NPHP4: variants seen among roughly 807,000 people sequenced by gnomAD.
NPHP4 encodes the protein nephrocystin 4, also known as nephrocystin-4.
A neutral mutation model predicts 155.8 loss-of-function variants in NPHP4; 151 were observed. The ratio of observed to expected loss-of-function variants is 0.97; its 90% CI spans 0.85 to 1.11. The LOEUF (loss-of-function observed/expected upper bound fraction) is 1.11. NPHP4 is among the 50% of genes least tolerant of loss of function. NPHP4 has a pLI of 0.00. For missense variants in NPHP4, 1,956 were observed against 1,925.7 expected (o/e 1.02, Z -0.29); for synonymous variants, 845 against 816.8 (o/e 1.03, Z -0.59).
intron 18 of NPHP4, among the ~76,000 whole-genome samples, chr1:5,885,022 C>T (rs1344861766): frequency 2.2e-5 from 3 of 134,816 alleles, no homozygotes; most frequent in African/African-American, 8.5e-5. Flanking sequence ...CATCCTACGC[C>T]GCAACCAAGA....
chr1:5,960,624 C>A (rs115210799), intron 6 of NPHP4, among the ~76,000 whole-genome samples: 44 of 152,246 alleles, frequency 2.9e-4, no homozygotes, highest in Non-Finnish European at 5.1e-4. Flanking sequence ...GCCAGGACAT[C>A]TCCATCACAT....
chr1:5,977,720 G>A (rs1236237290), intron 3 of NPHP4, among the ~76,000 whole-genome samples: 1 of 149,682 alleles, frequency 6.7e-6, no homozygotes, highest in African/African-American at 2.5e-5. Flanking sequence ...AAAACACGCT[G>A]CTCAACCAGT....
At chr1:5,976,705 G>T (rs974849691) in intron 3 of NPHP4, among the ~76,000 whole-genome samples, 2 of 152,202 alleles carry the variant, frequency 1.3e-5, no homozygotes, top group Admixed American at 6.5e-5. Context: ...CTCTAGCAAG[G>T]CTTTTTATTG....
At chr1:5,960,234 G>T (rs1302020308) in intron 6 of NPHP4, among the ~76,000 whole-genome samples, 1 of 152,140 alleles carries the variant, frequency 6.6e-6, no homozygotes, top group Non-Finnish European at 1.5e-5. Context: ...CCCAGACTGC[G>T]ACCCCACGCT....
chr1:5,952,983 G>A (rs1021058103), intron 6 of NPHP4, 147 bp from the exon 7 acceptor site: 6 of 643,068 alleles, frequency 9.3e-6, no homozygotes, highest in Middle Eastern at 4.2e-4. Flanking sequence ...CAAGGCCCAA[G>A]CCAAGCCTCC....
At chr1:5,933,427 G>A (rs1570505514) in intron 9 of NPHP4, 98 bp from the exon 10 acceptor site, 1 of 961,038 alleles carries the variant, frequency 1.0e-6, no homozygotes, top group Non-Finnish European at 1.6e-6. Context: ...TTCAACGAGA[G>A]CTCAGTGTAG....
In NPHP4 at chr1:5,875,010, G is replaced by C. The variant is rs773823107; in HGVS notation, c.2908C>G (p.Leu970Val). ...TCCGTGGTGATGGCCAGGCTCAGCA[G>C]GCTGGCGATGCTCTCGGCCTTCGTG... is the stretch of plus-strand genomic sequence containing the variant. ...ERTKAESIAS[L>V]LSLAITTEHT... The change falls in exon 21 of 30, where the codon CTG becomes GTG. Residue 970 changes from leucine to valine, a missense_variant. By Grantham distance (32) the Leu-to-Val change is conservative (BLOSUM62 1). Coordinates refer to ENST00000378156, the MANE Select transcript of NPHP4 (RefSeq NM_015102.5). The C allele has an allele frequency of 1.9e-6, 3 of 1,611,718 alleles. No homozygotes were observed. The highest frequency in any genetic ancestry group is 3.3e-5 in the Admixed American group (2 of 60,026).
At chr1:5,950,131 G>A (rs1570595891) in intron 7 of NPHP4, among the ~76,000 whole-genome samples, 1 of 152,142 alleles carries the variant, frequency 6.6e-6, no homozygotes, top group Non-Finnish European at 1.5e-5. Context: ...CCAAAAGGCC[G>A]AGAAGCAATG....
intron 10 of NPHP4, among the ~76,000 whole-genome samples, chr1:5,931,608 C>T (rs1298193555): frequency 2.0e-5 from 3 of 151,602 alleles, no homozygotes; most frequent in African/African-American, 7.3e-5. Flanking sequence ...GTGGTGGGCA[C>T]CTATAATCCC....
At chr1:5,920,278 C>A (rs1301498723) in intron 11 of NPHP4, among the ~76,000 whole-genome samples, 1 of 151,864 alleles carries the variant, frequency 6.6e-6, no homozygotes. Context: ...CCAGGCTGAT[C>A]TCGAACTCTT....
chr1:5,978,222 C>T (rs1459533257), intron 3 of NPHP4, 48 bp downstream of exon 3: 27 of 1,567,350 alleles, frequency 1.7e-5, no homozygotes, highest in Non-Finnish European at 2.1e-5. Context: ...CACCCGCACA[C>T]ACACCCTCCG....
intron 10 of NPHP4, among the ~76,000 whole-genome samples, chr1:5,928,360 G>T (rs1260586785): frequency 2.0e-5 from 3 of 152,242 alleles, no homozygotes; most frequent in African/African-American, 7.2e-5. Flanking sequence ...TAAGACTGAG[G>T]AGATTCATCC....
At chr1:5,922,626 G>A (rs1645799267) in intron 11 of NPHP4, among the ~76,000 whole-genome samples, 1 of 152,160 alleles carries the variant, frequency 6.6e-6, no homozygotes, top group Admixed American at 6.5e-5. Context: ...TTCAAGAGCA[G>A]CCTGTACAAC....
At position 5,880,031 on chromosome 1, in the gene NPHP4, GCA is replaced by G. The variant is rs140612295; in HGVS notation, c.2611+81_2611+82del. 9,173 of 1,229,270 alleles carry G rather than the reference GCA, an allele frequency of 7.5e-3. 5 individuals are homozygous for G. The highest frequency in any genetic ancestry group is 9.7e-3 in the South Asian group (629 of 64,792). 76.1% of individuals were successfully genotyped at this position (1,229,270 alleles called of 1,614,324 possible). On this transcript the variant is annotated intron_variant, in intron 19 of 29. Transcript: ENST00000378156. Reference sequence around the variant, plus strand: ...CACACACACACATGCACACACGCATGCACACACACACACACGCAGTCTTCCAC... The same window carrying G: ...CACACACACACATGCACACACGCATGCACACACACACACGCAGTCTTCCAC...
In NPHP4 at chr1:5,934,150, A is replaced by T. The variant is rs114627564; in HGVS notation, c.1120-821T>A. On this transcript the variant is annotated intron_variant, in intron 9 of 29. Transcript: ENST00000378156. ...GTCCAGCAGAGCCACCTTGTTGAAG[A>T]GGACTCCAGAGGTGATCAGCTCTGA... Among the ~76,000 whole-genome samples the T allele has an allele frequency of 9.3e-3, 1,415 of 152,284 alleles. 23 individuals carry two copies. The highest frequency in any genetic ancestry group is 0.031 in the African/African-American group (1,305 of 41,564).
chr1:5,879,293 C>T (rs971207423), intron 19 of NPHP4: 3 of 306,186 alleles, frequency 9.8e-6, no homozygotes, highest in African/African-American at 6.5e-5. Context: ...AGAGCACTTC[C>T]CACTTGTAAT....
intron 9 of NPHP4, among the ~76,000 whole-genome samples, chr1:5,946,107 G>A (rs1380699477): frequency 4.6e-5 from 7 of 152,130 alleles, no homozygotes; most frequent in Non-Finnish European, 8.8e-5. Flanking sequence ...GTATATGCAG[G>A]ACAAAACCTA....
At chr1:5,964,937 A>ATTTTTTTTTTTTTTTTTTT (rs1400602210) in intron 5 of NPHP4, among the ~76,000 whole-genome samples, 4 of 54,930 alleles carry the variant, frequency 7.3e-5, no homozygotes, top group Non-Finnish European at 9.5e-5. Context: ...ATATATATAT[A>ATTTTTTTTTTTTTTTTTTT]TATATTTTTT....
intron 23 of NPHP4, among the ~76,000 whole-genome samples, chr1:5,873,028 C>T (rs1642167040): frequency 6.6e-6 from 1 of 152,214 alleles, no homozygotes; most frequent in Non-Finnish European, 1.5e-5. Context: ...AGGCGGCCAC[C>T]AAGGAGGCAT....
Sources: gnomAD v4.1 joint callset for allele counts (sites outside exome capture counted in the v4.1 genomes callset) on GRCh38, gnomAD v4.1.1 for gene constraint, MANE v1.5 for transcripts, NCBI Gene and HGNC (gene_info 2026-07-23, HGNC 2026-07-21) for gene names.